The following CEACAM21 variants were observed in gnomAD, a reference collection of about 807,000 sequenced individuals.
CEACAM21 encodes the protein CEA cell adhesion molecule 21.
Under a neutral mutation model 33.2 loss-of-function variants are expected in CEACAM21, and 38 were observed. The ratio of observed to expected loss-of-function variants is 1.14; its 90% CI spans 0.88 to 1.50. CEACAM21 has a LOEUF of 1.50. Ranked by LOEUF, CEACAM21 falls within the 40% of genes most tolerant of loss-of-function variation. The pLI, the probability that CEACAM21 is intolerant of heterozygous loss-of-function variation, is 0.00. For missense variants in CEACAM21, 385 were observed against 364.6 expected (o/e 1.06, Z -0.46); for synonymous variants, 156 against 143.0 (o/e 1.09, Z -0.65).
intron 1 of CEACAM21, 27 bp from the exon 2 acceptor site, chr19:41,577,173 T>G: frequency 1.2e-6 from 2 of 1,613,016 alleles, no homozygotes; most frequent in South Asian, 2.2e-5. Context: ...AGGTCAAATA[T>G]TGACTGATAT....
upstream of CEACAM21, among the ~76,000 whole-genome samples, chr19:41,571,679 C>T (rs1033550628): frequency 1.3e-5 from 2 of 152,244 alleles, no homozygotes; most frequent in South Asian, 4.1e-4. Flanking sequence ...TAAGAATCTA[C>T]TCTCCCCCAA....
At chr19:41,568,870 A>C (rs2042425422) in intron 2 of CEACAM21, among the ~76,000 whole-genome samples, 1 of 152,220 alleles carries the variant, frequency 6.6e-6, no homozygotes, top group South Asian at 2.1e-4. Flanking sequence ...ATTGCATTGA[A>C]TCTGTAGACC....
chr19:41,554,619 G>T (rs2041430487), intron 1 of CEACAM21, among the ~76,000 whole-genome samples: 1 of 151,920 alleles, frequency 6.6e-6, no homozygotes, highest in Non-Finnish European at 1.5e-5. Flanking sequence ...TTACATTAGT[G>T]TACTATTAAT....
rs748007287 is a variant in CEACAM21 at position 41,569,216 on chromosome 19, T to TA, written c.-404+4161dup. Reference sequence around the variant, plus strand: ...TATTCCATATTTCTTTTTTTTTTTTTACTTTTATTTTTTGAGACAGGGTCT... The same window carrying TA: ...TATTCCATATTTCTTTTTTTTTTTTTAACTTTTATTTTTTGAGACAGGGTCT... On this transcript the variant is annotated intron_variant, in intron 2 of 7. Coordinates refer to the CEACAM21 transcript ENST00000407170. Among the ~76,000 whole-genome samples the TA allele has an allele frequency of 1.7e-3, 256 of 151,896 alleles. 3 individuals carry two copies. The highest frequency in any genetic ancestry group is 2.7e-3 in the Non-Finnish European group (184 of 67,920).
chr19:41,563,900 C>T (rs2042067563), intron 1 of CEACAM21, among the ~76,000 whole-genome samples: 1 of 152,202 alleles, frequency 6.6e-6, no homozygotes. Flanking sequence ...TAAGGCTCAG[C>T]CTGGGCGGAT....
chr19:41,551,519 G>C (rs2041194994), intron 1 of CEACAM21: 1 of 150,076 alleles, frequency 6.7e-6, no homozygotes, highest in Admixed American at 6.6e-5. Context: ...TGTGTGCCGA[G>C]CAGGGGAGGC....
At chr19:41,586,371 G>T (rs2070736229) in intron 6 of CEACAM21, 93 bp from the exon 7 acceptor site, 3 of 611,688 alleles carry the variant, frequency 4.9e-6, no homozygotes, top group Non-Finnish European at 6.3e-6. Context: ...GCCAGGTTCA[G>T]TCCCAGAGTA....
chr19:41,585,707 A>T (rs992947884), intron 5 of CEACAM21, 133 bp from the exon 6 acceptor site: 3 of 1,084,024 alleles, frequency 2.8e-6, no homozygotes, highest in South Asian at 1.4e-5. Flanking sequence ...TCACTTGCTT[A>T]CTTGACCCCT....
intron 2 of CEACAM21, among the ~76,000 whole-genome samples, chr19:41,567,886 A>G: frequency 7.8e-6 from 1 of 128,438 alleles, no homozygotes; most frequent in African/African-American, 3.9e-5. Context: ...AGAAAGGAGG[A>G]AGATGCAGTA....
intron 2 of CEACAM21, among the ~76,000 whole-genome samples, chr19:41,577,816 C>T (rs1418335158): frequency 2.0e-5 from 3 of 152,206 alleles, no homozygotes; most frequent in Non-Finnish European, 2.9e-5. Flanking sequence ...GAAAATCAGT[C>T]TCAGTCCAAC....
chr19:41,570,278 G>T (rs111438300), intron 2 of CEACAM21, among the ~76,000 whole-genome samples: 37 of 152,158 alleles, frequency 2.4e-4, no homozygotes, highest in African/African-American at 8.4e-4. Flanking sequence ...GAAAGTTCTG[G>T]AATGTTTCAG....
At chr19:41,557,749 G>A (rs1322206606) in intron 1 of CEACAM21, among the ~76,000 whole-genome samples, 9 of 152,202 alleles carry the variant, frequency 5.9e-5, no homozygotes, top group African/African-American at 1.2e-4. Context: ...AAATGGTCTC[G>A]TTTGTCAACA....
Position 41,586,569 on chromosome 19 carries a change from C to T in CEACAM21, c.*106C>T. ...TGCTCCTGTGGGTTGATGGAGCGTC[C>T]CTGAAGCCCCCAGCCCTGGGGATGG... is the stretch of plus-strand genomic sequence containing the variant. On this transcript the variant is annotated 3_prime_UTR_variant, in exon 7 of 7. Coordinates refer to ENST00000401445, the MANE Select transcript of CEACAM21 (RefSeq NM_001098506.4). 3.3e-6 allele frequency: 2 copies of T among 615,346 alleles called. No individual in the cohort carries two copies. Among genetic ancestry groups the T allele is most frequent in the Non-Finnish European group, 6.3e-6 (2 of 316,856 alleles). 38.1% of individuals were successfully genotyped at this position (615,346 alleles called of 1,614,324 possible).
upstream of CEACAM21, among the ~76,000 whole-genome samples, chr19:41,574,388 C>T (rs115016579): frequency 6.0e-4 from 92 of 152,182 alleles, no homozygotes; most frequent in African/African-American, 2.1e-3. Flanking sequence ...TCAAAGAACA[C>T]CATGAAGAAA....
Position 41,584,357 on chromosome 19 carries a change from C to T in CEACAM21, c.711C>T (p.Asn237=), listed in dbSNP as rs2070548859. The stretch of plus-strand genomic sequence containing the variant: ...GCCTTCTTCTTTCAGCAGATGACAA[C>T]ACTCTAGGCATCCTGATCGGGGTCC... ...PLKLTVKSDD[N]TLGILIGVLV... Residue 237 remains asparagine, a synonymous_variant, in exon 4 of 7, where the codon AAC becomes AAT. Transcript: ENST00000401445. 6.2e-7 allele frequency: 1 copy of T among 1,611,066 alleles called. No individual in the cohort carries two copies. Among genetic ancestry groups the T allele is most frequent in the Non-Finnish European group, 8.5e-7 (1 of 1,178,480 alleles).
chr19:41,563,658 G>A (rs1001407522), intron 1 of CEACAM21, among the ~76,000 whole-genome samples: 13 of 152,376 alleles, frequency 8.5e-5, no homozygotes, highest in African/African-American at 2.6e-4. Flanking sequence ...CATCCAGGGA[G>A]CTGCTCTGCT....
chr19:41,575,913 A>C (rs1195768457), upstream of CEACAM21, among the ~76,000 whole-genome samples: 1 of 152,114 alleles, frequency 6.6e-6, no homozygotes, highest in Non-Finnish European at 1.5e-5. Context: ...GAAATAATCT[A>C]CCGGCTGTGA....
chr19:41,574,508 CA>C (rs1252628104), upstream of CEACAM21, among the ~76,000 whole-genome samples: 2 of 151,972 alleles, frequency 1.3e-5, no homozygotes, highest in East Asian at 1.9e-4. Flanking sequence ...AAAGATAACC[CA>C]TTTTTTTTAA....
chr19:41,557,615 C>T (rs1555785839), intron 1 of CEACAM21, among the ~76,000 whole-genome samples: 1 of 152,142 alleles, frequency 6.6e-6, no homozygotes, highest in African/African-American at 2.4e-5. Flanking sequence ...CCCTTCTAGT[C>T]CTGTGTGTCT....
Sources: allele counts gnomAD v4.1 joint callset (sites outside exome capture counted in the v4.1 genomes callset), GRCh38; gene constraint gnomAD v4.1.1; transcripts MANE v1.5; gene names NCBI Gene and HGNC (gene_info 2026-07-23, HGNC 2026-07-21).